INPP4B: variants seen among roughly 807,000 people sequenced by gnomAD.
INPP4B encodes inositol polyphosphate 4-phosphatase type II.
In INPP4B, 55 loss-of-function variants were observed where a neutral mutation model predicts 122.5. The observed-to-expected ratio is 0.45, with a 90% CI of 0.36 to 0.56. The LOEUF (loss-of-function observed/expected upper bound fraction) is 0.56. INPP4B is among the 20% of genes least tolerant of loss of function. INPP4B has a pLI of 0.00. For missense variants in INPP4B, 1,000 were observed against 1,097.7 expected (o/e 0.91, Z 1.26); for synonymous variants, 403 against 388.7 (o/e 1.04, Z -0.43).
chr4:142,108,171 G>C lies in INPP4B; in HGVS notation c.2296C>G (p.Gln766Glu), dbSNP rs905871925. 1 of 1,595,710 alleles carries C rather than the reference G, an allele frequency of 6.3e-7. No homozygotes were observed. Among genetic ancestry groups the C allele is most frequent in the Non-Finnish European group, 8.6e-7 (1 of 1,164,868 alleles). Residue 766 changes from glutamine (Q) to glutamate (E), a missense_variant, in exon 23 of 26, where the codon CAA becomes GAA. Gln to Glu is a conservative substitution (Grantham distance 29). Coordinates refer to ENST00000262992, the MANE Select transcript of INPP4B (RefSeq NM_001101669.3). ...AAGTTTTCCTGATTAATACTTTCTT[G>C]CAAAGAGACATCTCCAAACCTACAA... ...LAERFGDVSL[Q>E]ESINQENFEL...
intron 10 of INPP4B, 64 bp downstream of exon 10, chr4:142,270,599 C>G: frequency 9.0e-7 from 1 of 1,114,790 alleles, no homozygotes. Context: ...GTTGGTGAGA[C>G]AGACATCTGG....
At position 142,827,191 on chromosome 4, in the gene INPP4B, A is replaced by G. The variant is rs528730550; in HGVS notation, c.-254+19018T>C. On this transcript the variant is annotated intron_variant, in intron 1 of 25. Transcript: ENST00000262992. ...CCTCTGTGGGAAGAATCTTAAACAC[A>G]CCAGCCAGCCCCATGTTGTCAGCAT... Among the ~76,000 whole-genome samples, 9 of 152,258 alleles carry G rather than the reference A, an allele frequency of 5.9e-5. No individual in the cohort carries two copies. The South Asian group carries it at 1.9e-3, about 32-fold the overall frequency.
At position 142,031,487 on chromosome 4, in the gene INPP4B, C is replaced by T. The variant is rs145851375; in HGVS notation, c.2643-2573G>A. On this transcript the variant is annotated intron_variant, in intron 25 of 25. Coordinates refer to ENST00000262992, the MANE Select transcript of INPP4B (RefSeq NM_001101669.3). Reference sequence around the variant, plus strand: ...GAATTAGTGTAAAACACCAAATCAACCATGTTGTGCTGTGCTCTGTTATAT... The same window carrying T: ...GAATTAGTGTAAAACACCAAATCAATCATGTTGTGCTGTGCTCTGTTATAT... Among the ~76,000 whole-genome samples the T allele has an allele frequency of 2.4e-3, 369 of 152,240 alleles. 2 individuals are homozygous for T. Among genetic ancestry groups the T allele is most frequent in the Non-Finnish European group, 4.5e-3 (306 of 68,016 alleles).
intron 1 of INPP4B, among the ~76,000 whole-genome samples, chr4:142,812,635 GA>G (rs148814038): frequency 0.042 from 6,313 of 149,656 alleles, 154 homozygotes; most frequent in African/African-American, 0.064. Flanking sequence ...TTACCATAGA[GA>G]AAAAAAAACT....
intron 2 of INPP4B, among the ~76,000 whole-genome samples, chr4:142,539,437 T>C (rs943952820): frequency 6.6e-6 from 1 of 152,060 alleles, no homozygotes; most frequent in Admixed American, 6.6e-5. Flanking sequence ...CTCAACTGCA[T>C]TGACTTATTG....
At chr4:142,643,336 T>C (rs951089353) in intron 2 of INPP4B, among the ~76,000 whole-genome samples, 7 of 152,144 alleles carry the variant, frequency 4.6e-5, no homozygotes, top group African/African-American at 1.7e-4. Flanking sequence ...ACAGGGAAGA[T>C]AAAAACAGAA....
At chr4:142,209,498 A>G (rs955890717) in intron 12 of INPP4B, among the ~76,000 whole-genome samples, 1 of 152,054 alleles carries the variant, frequency 6.6e-6, no homozygotes, top group Non-Finnish European at 1.5e-5. Flanking sequence ...TTTTTTTAAA[A>G]AAACAAAAGC....
At chr4:142,753,829 TTAC>T (rs1486377613) in intron 1 of INPP4B, among the ~76,000 whole-genome samples, 1 of 152,050 alleles carries the variant, frequency 6.6e-6, no homozygotes, top group Non-Finnish European at 1.5e-5. Flanking sequence ...TTTGTGCAAA[TTAC>T]TACAAAAAGC....
rs77667512 is a variant in INPP4B at position 142,661,194 on chromosome 4, C to T, written c.-191+64645G>A. ...AACCCTATTTTGCTCACCCTTTAAA[C>T]TGTCTGTGAGGCTAAATTTTTGTGG... On this transcript the variant is annotated intron_variant, in intron 2 of 25. Coordinates refer to ENST00000262992, the MANE Select transcript of INPP4B (RefSeq NM_001101669.3). Among the ~76,000 whole-genome samples, 1,061 of 152,274 alleles carry T rather than the reference C, an allele frequency of 7.0e-3. 13 individuals carry two copies. Among genetic ancestry groups the T allele is most frequent in the African/African-American group, 0.025 (1,025 of 41,560 alleles).
At chr4:142,607,637 AATAAT>A (rs1192467535) in intron 2 of INPP4B, among the ~76,000 whole-genome samples, 1 of 152,160 alleles carries the variant, frequency 6.6e-6, no homozygotes, top group African/African-American at 2.4e-5. Flanking sequence ...GTTTAAAATT[AATAAT>A]ATATTAATGC....
In INPP4B at chr4:142,747,572, G is replaced by C. The variant is rs191543996; in HGVS notation, c.-253-21671C>G. Among the ~76,000 whole-genome samples the C allele has an allele frequency of 2.0e-3, 305 of 152,160 alleles. 4 individuals are homozygous for C. The highest frequency in any genetic ancestry group is 8.8e-4 in the Non-Finnish European group (60 of 68,004). ...TTCTACTATAAAGACACATGCACAT[G>C]TATGTTTACTGTGGCACTGTTCACA... On this transcript the variant is annotated intron_variant, in intron 1 of 25. Transcript: ENST00000262992.
At chr4:142,302,301 A>C (rs572081471) in intron 9 of INPP4B, among the ~76,000 whole-genome samples, 5 of 152,282 alleles carry the variant, frequency 3.3e-5, no homozygotes, top group Admixed American at 3.3e-4. Flanking sequence ...ACGTGGAAGA[A>C]ACCATGAAAA....
At chr4:142,168,123 A>G (rs1382682415) in intron 16 of INPP4B, among the ~76,000 whole-genome samples, 1 of 151,234 alleles carries the variant, frequency 6.6e-6, no homozygotes, top group Non-Finnish European at 1.5e-5. Context: ...ACAATGTTCT[A>G]TCTCTGTTTT....
rs139714936 is a variant in INPP4B at position 142,541,768 on chromosome 4, T to G, written c.-190-79042A>C. On this transcript the variant is annotated intron_variant, in intron 2 of 25. Transcript: ENST00000262992. ...CACACACTCAACTCCTATATCATGC[T>G]TGGCTTCCCCAGCACCCAGTTCCTG... is the stretch of plus-strand genomic sequence containing the variant. Among the ~76,000 whole-genome samples, 11 of 152,294 alleles carry G rather than the reference T, an allele frequency of 7.2e-5. No homozygotes were observed. The East Asian group carries it at 2.1e-3, about 29-fold the overall frequency.
At chr4:142,441,605 A>T (rs2149443483) in intron 3 of INPP4B, among the ~76,000 whole-genome samples, 1 of 152,232 alleles carries the variant, frequency 6.6e-6, no homozygotes, top group East Asian at 1.9e-4. Flanking sequence ...TCATGAAGTC[A>T]CTAAAAAAAT....
intron 2 of INPP4B, among the ~76,000 whole-genome samples, chr4:142,543,909 G>T (rs1488734431): frequency 6.6e-6 from 1 of 152,108 alleles, no homozygotes; most frequent in East Asian, 1.9e-4. Context: ...TGTCCACCCA[G>T]AAGTAAGTCT....
chr4:142,566,984 G>C (rs1336649564), intron 2 of INPP4B, among the ~76,000 whole-genome samples: 1 of 152,168 alleles, frequency 6.6e-6, no homozygotes, highest in Non-Finnish European at 1.5e-5. Context: ...GTGATTGACT[G>C]TCAGAGCCTG....
At chr4:142,406,304 C>T (rs1036884831) in intron 5 of INPP4B, among the ~76,000 whole-genome samples, 5 of 151,942 alleles carry the variant, frequency 3.3e-5, no homozygotes, top group Non-Finnish European at 7.4e-5. Context: ...TGAGGGCATG[C>T]AGGGTTCTAT....
intron 2 of INPP4B, among the ~76,000 whole-genome samples, chr4:142,548,749 C>G (rs796700284): frequency 6.9e-5 from 10 of 144,930 alleles, no homozygotes; most frequent in Admixed American, 6.2e-4. Context: ...ACAGATGTGT[C>G]TGTGTGTGTG....
Sources: allele counts gnomAD v4.1 joint callset (sites outside exome capture counted in the v4.1 genomes callset), GRCh38; gene constraint gnomAD v4.1.1; transcripts MANE v1.5; gene names NCBI Gene and HGNC (gene_info 2026-07-23, HGNC 2026-07-21).